Variants in UNC13C observed in about 807,000 individuals in gnomAD.
The protein encoded by UNC13C is protein unc-13 homolog C.
Under a neutral mutation model 245.4 loss-of-function variants are expected in UNC13C, and 174 were observed. The observed-to-expected ratio is 0.71, with a 90% CI of 0.63 to 0.80. The LOEUF (loss-of-function observed/expected upper bound fraction) is 0.80. UNC13C is among the 30% of genes least tolerant of loss of function. The pLI, the probability that UNC13C is intolerant of heterozygous loss-of-function variation, is 0.00. For missense variants in UNC13C, 2,829 were observed against 2,602.9 expected (o/e 1.09, Z -1.89); for synonymous variants, 992 against 895.1 (o/e 1.11, Z -1.93).
intron 19 of UNC13C, among the ~76,000 whole-genome samples, chr15:54,474,980 A>G (rs1596447017): frequency 6.6e-6 from 1 of 151,994 alleles, no homozygotes; most frequent in Non-Finnish European, 1.5e-5. Flanking sequence ...CAAGAAGGAT[A>G]CCAAGCCATT....
At chr15:54,009,385 A>C (rs568286484) in intron 1 of UNC13C, among the ~76,000 whole-genome samples, 2 of 152,282 alleles carry the variant, frequency 1.3e-5, no homozygotes, top group East Asian at 3.9e-4. Context: ...ACTAGTAATT[A>C]ATATTTACTG....
At chr15:54,034,523 T>C (rs1896492611) in intron 2 of UNC13C, among the ~76,000 whole-genome samples, 1 of 152,246 alleles carries the variant, frequency 6.6e-6, no homozygotes, top group African/African-American at 2.4e-5. Context: ...ATTGTTTCTC[T>C]CAATAATTCT....
chr15:54,038,124 A>AAAAATTTTTTTTTTTT (rs1555406259), intron 2 of UNC13C, among the ~76,000 whole-genome samples: 2 of 45,032 alleles, frequency 4.4e-5, no homozygotes, highest in African/African-American at 2.1e-4. Flanking sequence ...ATATATATAT[A>AAAAATTTTTTTTTTTT]TTTTTTTTTT....
At chr15:54,531,623 C>A (rs990794763) in intron 25 of UNC13C, among the ~76,000 whole-genome samples, 2 of 151,496 alleles carry the variant, frequency 1.3e-5, no homozygotes, top group Non-Finnish European at 2.9e-5. Flanking sequence ...GAAGGTGTAT[C>A]CAGATGCCAA....
intron 14 of UNC13C, among the ~76,000 whole-genome samples, chr15:54,325,615 A>G (rs570822996): frequency 9.0e-4 from 136 of 151,376 alleles, no homozygotes; most frequent in African/African-American, 3.1e-3. Context: ...CTGCATCCAT[A>G]TGTTCTCATT....
rs1900433124 is a variant in UNC13C, at chr15:54,106,119, C to T, written c.2984-36899C>T. Among the ~76,000 whole-genome samples the T allele has an allele frequency of 2.0e-5, 3 of 152,078 alleles. 1 individual carries two copies. The South Asian group carries it at 6.2e-4, about 31-fold the overall frequency. On this transcript the variant is annotated intron_variant, in intron 2 of 32. Transcript: ENST00000260323. ...GTTGGTACAGCAGTCTCTCTAGATC[C>T]CTTAACTTATTAAGCAGATTTTAGT...
At chr15:54,518,739 G>A (rs1246126374) in intron 24 of UNC13C, among the ~76,000 whole-genome samples, 3 of 152,164 alleles carry the variant, frequency 2.0e-5, no homozygotes, top group Non-Finnish European at 4.4e-5. Context: ...TCAGTTGACT[G>A]GGTGGACTAT....
chr15:54,427,280 C>A (rs1393625959), intron 19 of UNC13C, among the ~76,000 whole-genome samples: 2 of 151,702 alleles, frequency 1.3e-5, no homozygotes, highest in Non-Finnish European at 2.9e-5. Flanking sequence ...TGCTGTTCTC[C>A]TGGTAGTGAA....
intron 1 of UNC13C, among the ~76,000 whole-genome samples, chr15:54,009,286 C>T (rs1895275320): frequency 2.0e-5 from 3 of 152,072 alleles, no homozygotes. Flanking sequence ...TCTTAGATTG[C>T]CCCCCACTAT....
chr15:54,261,801 C>T (rs1011745783), intron 8 of UNC13C, among the ~76,000 whole-genome samples: 6 of 152,126 alleles, frequency 3.9e-5, no homozygotes, highest in Admixed American at 1.3e-4. Context: ...CCTCGGCCTC[C>T]CAAAGTGCTG....
intron 4 of UNC13C, among the ~76,000 whole-genome samples, chr15:54,216,506 G>A (rs111889599): frequency 1.4e-4 from 21 of 151,948 alleles, no homozygotes; most frequent in East Asian, 5.8e-4. Context: ...TTAAAAAATC[G>A]TTTATTGACA....
chr15:54,150,894 C>A (rs564515542), intron 4 of UNC13C, among the ~76,000 whole-genome samples: 2 of 152,202 alleles, frequency 1.3e-5, no homozygotes, highest in East Asian at 3.9e-4. Flanking sequence ...TAAATAGTTT[C>A]TTTTAGGCAT....
intron 17 of UNC13C, among the ~76,000 whole-genome samples, chr15:54,339,890 A>G (rs1234651240): frequency 6.6e-6 from 1 of 152,166 alleles, no homozygotes. Flanking sequence ...TGGTTGTGCT[A>G]GTTTACATTC....
chr15:54,324,684 A>G (rs559755513), intron 14 of UNC13C, among the ~76,000 whole-genome samples: 1 of 152,164 alleles, frequency 6.6e-6, no homozygotes, highest in South Asian at 2.1e-4. Context: ...AAGGTAAGGT[A>G]AACTATTTTG....
At chr15:54,633,290 C>CACTT (rs1901490873), downstream of UNC13C, 1 of 152,136 alleles carries the variant, frequency 6.6e-6, no homozygotes, top group Non-Finnish European at 1.5e-5. Context: ...TATATGTCTC[C>CACTT]ACTTATTTAC....
chr15:54,623,824 A>G lies in UNC13C; in HGVS notation c.6229A>G (p.Thr2077Ala), dbSNP rs1299899439. ...TGCTATTAATGACCTAAACTGGCAGACCACAGCAATGTTCCGCCCCTTTGT... is the reference window on the plus strand; with the variant it reads ...TGCTATTAATGACCTAAACTGGCAGGCCACAGCAATGTTCCGCCCCTTTGT... ...VIAINDLNWQ[T>A]TAMFRPFVEV... The change falls in exon 32 of 33, where the codon ACC (threonine) becomes GCC (alanine). Residue 2077 changes from threonine to alanine, a missense_variant. Thr to Ala is a moderately conservative substitution (Grantham distance 58). Coordinates refer to ENST00000260323, the MANE Select transcript of UNC13C (RefSeq NM_001080534.3). The G allele has an allele frequency of 1.9e-6, 3 of 1,612,998 alleles. No individual in the cohort carries two copies. The East Asian group carries it at 6.7e-5, about 36-fold the overall frequency.
chr15:54,316,528 C>G (rs1356711966), intron 13 of UNC13C, among the ~76,000 whole-genome samples: 1 of 151,908 alleles, frequency 6.6e-6, no homozygotes, highest in East Asian at 1.9e-4. Context: ...TCATAGCACT[C>G]TTCTATGCCT....
chr15:54,134,420 C>CTGTGTGTG (rs3985789), intron 2 of UNC13C, among the ~76,000 whole-genome samples: 86 of 127,566 alleles, frequency 6.7e-4, no homozygotes, highest in Admixed American at 2.6e-3. Context: ...AAATAATCAT[C>CTGTGTGTG]TGTGTGTGTG....
At chr15:53,977,140 AC>A (rs1183957379), upstream of UNC13C, among the ~76,000 whole-genome samples, 2 of 152,106 alleles carry the variant, frequency 1.3e-5, no homozygotes, top group African/African-American at 4.8e-5. Flanking sequence ...ATTAACAGTC[AC>A]TTAAGCAGCG....
Sources: allele counts gnomAD v4.1 joint callset (sites outside exome capture counted in the v4.1 genomes callset), GRCh38; gene constraint gnomAD v4.1.1; transcripts MANE v1.5; gene names NCBI Gene and HGNC (gene_info 2026-07-23, HGNC 2026-07-21).